The following TAF6L variants were observed in gnomAD, a reference collection of about 807,000 sequenced individuals.
TAF6L encodes the protein TATA-box binding protein associated factor 6 like, also known as TAF6-like RNA polymerase II p300/CBP-associated factor-associated factor 65 kDa subunit 6L.
Under a neutral mutation model 57.3 loss-of-function variants are expected in TAF6L, and 34 were observed. The ratio of observed to expected loss-of-function variants is 0.59; its 90% CI spans 0.45 to 0.79. TAF6L has a LOEUF of 0.79. TAF6L is among the 30% of genes least tolerant of loss of function. TAF6L has a pLI of 0.00. For missense variants in TAF6L, 782 were observed against 853.2 expected (o/e 0.92, Z 1.04); for synonymous variants, 417 against 376.3 (o/e 1.11, Z -1.25).
At position 62,782,120 on chromosome 11, in the gene TAF6L, C is replaced by G. The variant is rs149223619; in HGVS notation, c.614C>G (p.Ser205Cys). The G allele has an allele frequency of 1.9e-6, 3 of 1,606,686 alleles. No homozygotes were observed. Among genetic ancestry groups the G allele is most frequent in the Non-Finnish European group, 2.6e-6 (3 of 1,175,740 alleles). Residue 205 changes from serine to cysteine, a missense_variant, in exon 8 of 11, where the codon TCT becomes TGT. Around this residue, in one of 3 missense-constraint regions of TAF6L, gnomAD observed 79 missense variants for 156.0 expected, o/e 0.51. Coordinates refer to ENST00000294168, the MANE Select transcript of TAF6L (RefSeq NM_006473.4). ...ACCCTCTTCTCCCAACAGGTGAAATCTGTAAGCCATGACCTGGAGCAACTG... is the reference window on the plus strand; with the variant it reads ...ACCCTCTTCTCCCAACAGGTGAAATGTGTAAGCCATGACCTGGAGCAACTG... ...YFVYVVSGVKSVSHDLEQLHR... is the reference protein window; with the variant it reads ...YFVYVVSGVKCVSHDLEQLHR...
chr11:62,778,137 CG>C lies in TAF6L; in HGVS notation c.385+13del, dbSNP rs1565187663. The C allele has an allele frequency of 6.2e-7, 1 of 1,614,054 alleles. No homozygotes were observed. Among genetic ancestry groups the C allele is most frequent in the Non-Finnish European group, 8.5e-7 (1 of 1,180,018 alleles). On this transcript the variant is annotated intron_variant, in intron 4 of 10. Coordinates refer to ENST00000294168, the MANE Select transcript of TAF6L (RefSeq NM_006473.4). ...TGAGACAGCTGTCAGAGGTGGCTGC[CG>C]GGGTCCTGCATGGGTTGGGGATGGG...
At chr11:62,779,970 A>ATTTTTTT (rs1263442687) in intron 6 of TAF6L, among the ~76,000 whole-genome samples, 27 of 64,410 alleles carry the variant, frequency 4.2e-4, no homozygotes, top group African/African-American at 1.2e-3. Context: ...ATATATATAT[A>ATTTTTTT]TATATATTTT....
At chr11:62,771,748 TGAGGATGCG>T (rs575749779) in intron 1 of TAF6L, 1 of 219,912 alleles carries the variant, frequency 4.5e-6, no homozygotes, top group African/African-American at 2.3e-5. Flanking sequence ...GACTAGTGGC[TGAGGATGCG>T]GAGGAGAGGA....
intron 8 of TAF6L, 125 bp downstream of exon 8, chr11:62,782,458 G>A: frequency 8.8e-7 from 1 of 1,132,760 alleles, no homozygotes. Context: ...TTCCCTAGGA[G>A]CGTCCTAGCT....
At position 62,771,462 on chromosome 11, in the gene TAF6L, A is replaced by G; in HGVS notation, c.-42A>G. 6.4e-6 allele frequency: 1 copy of G among 157,348 alleles called. No homozygotes were observed. Among genetic ancestry groups the G allele is most frequent in the Non-Finnish European group, 1.4e-5 (1 of 71,384 alleles). The allele number at this position is 157,348 out of a possible 1,614,324, so 9.7% of individuals were successfully genotyped here. On this transcript the variant is annotated 5_prime_UTR_variant, in exon 1 of 11. Coordinates refer to ENST00000294168, the MANE Select transcript of TAF6L (RefSeq NM_006473.4). ...CCGCCCCCGCCGCCGTCGTCTCGGT[A>G]GCAGCCTTCGCCACGCCGGGGTCTT...
At chr11:62,781,709 A>G in intron 6 of TAF6L, 185 bp from the exon 7 acceptor site, 1 of 556,256 alleles carries the variant, frequency 1.8e-6, no homozygotes, top group Non-Finnish European at 3.2e-6. Flanking sequence ...TCAGGGCCAT[A>G]TGCAGGTATA....
At position 62,786,876 on chromosome 11, in the gene TAF6L, G is replaced by T. The variant is rs770664528; in HGVS notation, c.1449G>T (p.Arg483=). 2.9e-5 allele frequency: 46 copies of T among 1,576,750 alleles called. No homozygotes were observed. Among genetic ancestry groups the T allele is most frequent in the Admixed American group, 8.9e-5 (5 of 56,118 alleles). Residue 483 remains arginine, a synonymous_variant, in exon 11 of 11, where the codon CGG becomes CGT. Transcript: ENST00000294168. ...KEPAAAPDSV[R]KMPQLTASAI... is the part of the protein sequence containing the mutation. ...CGGCGGCAGCCCCGGACTCGGTGCG[G>T]AAGATGCCGCAGCTGACGGCAAGCG...
intron 9 of TAF6L, among the ~76,000 whole-genome samples, chr11:62,784,080 C>T (rs1260501212): frequency 2.1e-5 from 3 of 140,474 alleles, no homozygotes; most frequent in Non-Finnish European, 4.7e-5. Flanking sequence ...CCTCCACCTC[C>T]CGGGTTCAAG....
chr11:62,776,264 T>C, intron 2 of TAF6L, 120 bp from the exon 3 acceptor site: 1 of 991,056 alleles, frequency 1.0e-6, no homozygotes, highest in Non-Finnish European at 1.6e-6. Context: ...AATCTAGGCT[T>C]CTGATCCCTA....
chr11:62,787,102 C>G lies in TAF6L; in HGVS notation c.1675C>G (p.His559Asp), dbSNP rs1354964033. The change falls in exon 11 of 11, where the codon CAC becomes GAC. Residue 559 changes from histidine to aspartate, a missense_variant. Physicochemically the swap from His to Asp is moderately conservative, Grantham distance 81. Transcript: ENST00000294168. ...CCGTTTCGCCCCGCGCGGCGCCCCG[C>G]ACTTTCGTTTCATCATAGCCGGGCG... ...KSRFAPRGAP[H>D]FRFIIAGRQA... is the part of the protein sequence containing the mutation. The G allele has an allele frequency of 1.9e-6, 3 of 1,546,218 alleles. No homozygotes were observed. The African/African-American group carries it at 4.2e-5, about 21-fold the overall frequency.
chr11:62,776,049 A>G, intron 2 of TAF6L, 119 bp downstream of exon 2: 1 of 1,286,718 alleles, frequency 7.8e-7, no homozygotes, highest in Non-Finnish European at 1.1e-6. Context: ...CAACAGAGAC[A>G]GTCCATGCCT....
In TAF6L at chr11:62,786,375, A is replaced by G. The variant is rs1272427022; in HGVS notation, c.1076A>G (p.Tyr359Cys). Reference protein sequence around the residue: ...AQVKADGHKVYGAILVAVERL... With the variant: ...AQVKADGHKVCGAILVAVERL... ...GTCAAAGCAGATGGACACAAAGTCT[A>G]TGGAGCCATTCTGGTGAGTACCGTC... is the stretch of plus-strand genomic sequence containing the variant. Residue 359 changes from tyrosine to cysteine, a missense_variant, in exon 10 of 11, where the codon TAT (tyrosine) becomes TGT (cysteine). Tyr to Cys is a radical substitution (Grantham distance 194). Around this residue, in one of 3 missense-constraint regions of TAF6L, gnomAD observed 483 missense variants for 445.1 expected, o/e 1.09. Transcript: ENST00000294168. 8.7e-6 allele frequency: 14 copies of G among 1,613,972 alleles called. No individual in the cohort carries two copies. The highest frequency in any genetic ancestry group is 1.1e-5 in the South Asian group (1 of 91,088).
At chr11:62,786,435 A>C in intron 10 of TAF6L, 47 bp downstream of exon 10, 2 of 1,600,764 alleles carry the variant, frequency 1.2e-6, no homozygotes, top group Non-Finnish European at 1.7e-6. Flanking sequence ...TGAGCTTAGC[A>C]GCCAAGCAGG....
rs199542699 is a variant in TAF6L, at chr11:62,782,130, T to C, written c.624T>C (p.His208=). Reference sequence around the variant, plus strand: ...CCCAACAGGTGAAATCTGTAAGCCATGACCTGGAGCAACTGCACCGGCTGC... The same window carrying C: ...CCCAACAGGTGAAATCTGTAAGCCACGACCTGGAGCAACTGCACCGGCTGC... ...YVVSGVKSVS[H]DLEQLHRLLQ... is the part of the protein sequence containing the mutation. The change falls in exon 8 of 11, where the codon CAT becomes CAC. Residue 208 remains histidine (H), a synonymous_variant. Transcript: ENST00000294168. The C allele has an allele frequency of 7.5e-6, 12 of 1,610,232 alleles. No individual in the cohort carries two copies. In the East Asian group the frequency reaches 1.1e-4, roughly 15 times the overall value.
chr11:62,784,032 G>A (rs1361091598), intron 9 of TAF6L, among the ~76,000 whole-genome samples: 7 of 746 alleles, frequency 9.4e-3, no homozygotes, highest in South Asian at 0.031. Context: ...ACTGTCGCCC[G>A]GGCTGGAGTG....
chr11:62,772,805 C>CA (rs770586046), intron 1 of TAF6L, among the ~76,000 whole-genome samples: 1,326 of 109,592 alleles, frequency 0.012, 10 homozygotes, highest in Non-Finnish European at 0.018. Flanking sequence ...ACATCATCTC[C>CA]AAAAAAAAAA....
intron 1 of TAF6L, chr11:62,771,883 G>C (rs140206853): frequency 2.7e-4 from 84 of 309,572 alleles, no homozygotes; most frequent in African/African-American, 1.7e-3. Context: ...TTTACAGATA[G>C]GGAAACTGCA....
In TAF6L at chr11:62,778,206, A is replaced by C. The variant is rs536014420; in HGVS notation, c.385+78A>C. Reference sequence around the variant, plus strand: ...AAGTGGTGATGGGCTGGCTGGTGGAAGAGGCAGAACTTGGAGGGGTAGGCG... The same window carrying C: ...AAGTGGTGATGGGCTGGCTGGTGGACGAGGCAGAACTTGGAGGGGTAGGCG... On this transcript the variant is annotated intron_variant, in intron 4 of 10. Transcript: ENST00000294168. 2.4e-4 allele frequency: 382 copies of C among 1,613,458 alleles called. 1 individual carries two copies. The highest frequency in any genetic ancestry group is 1.2e-3 in the Middle Eastern group (7 of 6,054).
intron 6 of TAF6L, among the ~76,000 whole-genome samples, chr11:62,779,219 G>A (rs1292018525): frequency 1.3e-5 from 2 of 151,758 alleles, no homozygotes; most frequent in Non-Finnish European, 2.9e-5. Flanking sequence ...TTTTGAAACG[G>A]AGTCTTGCAT....
Sources: gnomAD v4.1 joint callset for allele counts (sites outside exome capture counted in the v4.1 genomes callset) on GRCh38, gnomAD v4.1.1 for gene constraint, gnomAD v4.1.1 regional missense constraint, MANE v1.5 for transcripts, NCBI Gene and HGNC (gene_info 2026-07-23, HGNC 2026-07-21) for gene names.